GPR176: variants seen among roughly 807,000 people sequenced by gnomAD.
GPR176 encodes the protein G protein-coupled receptor 176, also known as G-protein coupled receptor 176.
A neutral mutation model predicts 35.4 loss-of-function variants in GPR176; 26 were observed. The observed-to-expected ratio is 0.74, with a 90% CI of 0.54 to 1.02. The LOEUF is 1.02. Ranked by LOEUF, GPR176 falls within the 50% of genes least tolerant of loss-of-function variation. The probability of loss-of-function intolerance (pLI) is 0.00; values close to 1 mark genes in which losing one functional copy is unlikely to be tolerated. For missense variants in GPR176, 597 were observed against 665.3 expected (o/e 0.90, Z 1.13); for synonymous variants, 278 against 271.3 (o/e 1.02, Z -0.24).
intron 1 of GPR176, among the ~76,000 whole-genome samples, chr15:39,835,067 G>C (rs369052953): frequency 1.7e-4 from 26 of 152,136 alleles, no homozygotes; most frequent in African/African-American, 6.3e-4. Flanking sequence ...GCCCAGGCTA[G>C]AGTGCAATGG....
At chr15:39,887,215 T>C (rs1168783246) in intron 1 of GPR176, among the ~76,000 whole-genome samples, 1 of 152,220 alleles carries the variant, frequency 6.6e-6, no homozygotes, top group African/African-American at 2.4e-5. Context: ...GGAAACACAC[T>C]GGCAACTCAA....
At chr15:39,867,325 G>GC (rs1555407860) in intron 1 of GPR176, among the ~76,000 whole-genome samples, 15 of 151,924 alleles carry the variant, frequency 9.9e-5, no homozygotes, top group Non-Finnish European at 2.2e-4. Context: ...TGGGACCACA[G>GC]AAAAGGAAAA....
chr15:39,893,736 AC>A (rs1183139733), intron 1 of GPR176, among the ~76,000 whole-genome samples: 1 of 128,074 alleles, frequency 7.8e-6, no homozygotes, highest in African/African-American at 3.0e-5. Context: ...CGGGGGGCTG[AC>A]CCCCCCACCT....
At chr15:39,895,185 G>A (rs71526438) in intron 1 of GPR176, among the ~76,000 whole-genome samples, 1 of 151,612 alleles carries the variant, frequency 6.6e-6, no homozygotes, top group African/African-American at 2.4e-5. Context: ...GTCCAGCTTC[G>A]GCTCAGCATG....
intron 1 of GPR176, among the ~76,000 whole-genome samples, chr15:39,902,329 C>T (rs1038922331): frequency 2.6e-5 from 4 of 152,152 alleles, no homozygotes; most frequent in African/African-American, 9.7e-5. Flanking sequence ...TCCTTACCTG[C>T]TAGAGCCCAT....
chr15:39,899,865 A>G (rs1487107210), intron 1 of GPR176, among the ~76,000 whole-genome samples: 2 of 152,184 alleles, frequency 1.3e-5, no homozygotes, highest in African/African-American at 4.8e-5. Context: ...TGGCTTAATG[A>G]TCATCCCCAA....
chr15:39,805,587 G>A (rs1054156943), intron 2 of GPR176, among the ~76,000 whole-genome samples: 2 of 152,050 alleles, frequency 1.3e-5, no homozygotes, highest in Admixed American at 6.6e-5. Flanking sequence ...CACTCTCCAC[G>A]TGCCACAATT....
At chr15:39,847,616 G>A (rs2030527176) in intron 1 of GPR176, among the ~76,000 whole-genome samples, 1 of 151,754 alleles carries the variant, frequency 6.6e-6, no homozygotes, top group South Asian at 2.1e-4. Flanking sequence ...GGTAGCATGT[G>A]CCTGTAATCC....
intron 1 of GPR176, chr15:39,807,732 T>A (rs1899293660): frequency 5.2e-6 from 3 of 579,384 alleles, no homozygotes; most frequent in Non-Finnish European, 9.3e-6. Flanking sequence ...TATTTTTTAT[T>A]CAACCCAACA....
intron 2 of GPR176, among the ~76,000 whole-genome samples, chr15:39,802,566 T>G (rs1040568315): frequency 6.6e-6 from 1 of 152,226 alleles, no homozygotes; most frequent in Admixed American, 6.5e-5. Context: ...GCTACCAGGA[T>G]GAAATCGCAA....
intron 1 of GPR176, among the ~76,000 whole-genome samples, chr15:39,888,024 G>A (rs2032733901): frequency 1.3e-5 from 2 of 152,160 alleles, no homozygotes; most frequent in Admixed American, 1.3e-4. Context: ...TATCTACCAG[G>A]AGTTTCCCAT....
Position 39,802,111 on chromosome 15 carries a change from G to C in GPR176, c.569C>G (p.Ser190Cys), listed in dbSNP as rs756063068. Residue 190 changes from serine (S) to cysteine (C), a missense_variant, in exon 3 of 3, where the codon TCC (serine) becomes TGC (cysteine). Physicochemically the swap from Ser to Cys is moderately radical, Grantham distance 112 (BLOSUM62 -1). This residue lies in a region of GPR176 where 220 missense variants were observed against 297.6 expected (regional missense o/e 0.74). Transcript: ENST00000561100. ...VTNVADIYAT[S>C]TCTEVWSNSL... ...GTTGCTCCAGACTTCCGTGCAGGTGGACGTGGCATAGATGTCAGCCACATT... is the reference window on the plus strand; with the variant it reads ...GTTGCTCCAGACTTCCGTGCAGGTGCACGTGGCATAGATGTCAGCCACATT... The C allele has an allele frequency of 2.5e-6, 4 of 1,614,174 alleles. No individual in the cohort carries two copies. The South Asian group carries it at 4.4e-5, about 18-fold the overall frequency.
intron 1 of GPR176, among the ~76,000 whole-genome samples, chr15:39,897,280 G>A (rs1213148085): frequency 6.6e-6 from 1 of 152,130 alleles, no homozygotes; most frequent in Non-Finnish European, 1.5e-5. Context: ...AGGAATCTAG[G>A]ACACAACATG....
At chr15:39,816,182 T>C (rs2140801755) in intron 1 of GPR176, among the ~76,000 whole-genome samples, 1 of 152,258 alleles carries the variant, frequency 6.6e-6, no homozygotes, top group South Asian at 2.1e-4. Context: ...AAACTTTCTG[T>C]TAGGAGAAAT....
At chr15:39,845,302 C>A (rs1039561133) in intron 1 of GPR176, among the ~76,000 whole-genome samples, 6 of 151,936 alleles carry the variant, frequency 3.9e-5, no homozygotes, top group Non-Finnish European at 5.9e-5. Context: ...AGCAGAAACA[C>A]AATTATTGCA....
intron 1 of GPR176, among the ~76,000 whole-genome samples, chr15:39,902,565 A>G (rs532000354): frequency 1.3e-5 from 2 of 152,322 alleles, no homozygotes; most frequent in Admixed American, 1.3e-4. Flanking sequence ...CAGAAACAAC[A>G]GGTCAAATAC....
intron 1 of GPR176, among the ~76,000 whole-genome samples, chr15:39,895,600 C>T (rs558722593): frequency 6.6e-6 from 1 of 152,074 alleles, no homozygotes; most frequent in Non-Finnish European, 1.5e-5. Flanking sequence ...GAACATTAGG[C>T]TAGATACTCA....
At chr15:39,840,302 A>C (rs1901661973) in intron 1 of GPR176, among the ~76,000 whole-genome samples, 1 of 152,238 alleles carries the variant, frequency 6.6e-6, no homozygotes, top group Admixed American at 6.5e-5. Context: ...CTATGCAGCC[A>C]TAAAAAAGGA....
chr15:39,901,832 G>A (rs2033286192), intron 1 of GPR176, among the ~76,000 whole-genome samples: 1 of 152,080 alleles, frequency 6.6e-6, no homozygotes, highest in South Asian at 2.1e-4. Context: ...CCAGCACTCT[G>A]GGAAGCCAAG....
Sources: allele counts gnomAD v4.1 joint callset (sites outside exome capture counted in the v4.1 genomes callset), GRCh38; gene constraint gnomAD v4.1.1; regional missense constraint gnomAD v4.1.1; transcripts MANE v1.5; gene names NCBI Gene and HGNC (gene_info 2026-07-23, HGNC 2026-07-21).